The following ADCY8 variants were observed in gnomAD, a reference collection of about 807,000 sequenced individuals.
ADCY8 encodes the protein adenylate cyclase type 8.
ADCY8 carries 51 observed loss-of-function variants against 119.7 expected under a neutral mutation model. The ratio of observed to expected loss-of-function variants is 0.43; its 90% CI spans 0.34 to 0.54. The LOEUF is 0.54. ADCY8 is among the 20% of genes least tolerant of loss of function. ADCY8 has a pLI of 0.03. For synonymous variants in ADCY8, 665 were observed against 651.0 expected, an observed-to-expected ratio of 1.02 and a Z score of -0.33; for missense variants, 1,383 against 1,598.8, an observed-to-expected ratio of 0.87 and a Z score of 2.30.
chr8:130,975,925 T>C (rs773680081), intron 2 of ADCY8, among the ~76,000 whole-genome samples: 12 of 152,208 alleles, frequency 7.9e-5, no homozygotes, highest in Non-Finnish European at 1.3e-4. Flanking sequence ...ACTTTTATAC[T>C]ATAGTAACTT....
intron 1 of ADCY8, among the ~76,000 whole-genome samples, chr8:131,029,015 G>C (rs755595180): frequency 2.0e-5 from 3 of 152,170 alleles, no homozygotes; most frequent in Non-Finnish European, 4.4e-5. Context: ...TGAGAGGCAG[G>C]GCAAATGAGT....
chr8:130,903,050 G>A (rs929971438), intron 7 of ADCY8, among the ~76,000 whole-genome samples: 4 of 152,006 alleles, frequency 2.6e-5, no homozygotes, highest in African/African-American at 7.2e-5. Flanking sequence ...CTTGGTTCTC[G>A]ACCTGGCTCA....
rs145944700 is a variant in ADCY8 at position 130,834,946 on chromosome 8, AG to A, written c.2675+1330del. ...CAGAGAGGAGAATAATACTAGAGAA[AG>A]GAATTTCAACATCTGAAACACATTA... On this transcript the variant is annotated intron_variant, in intron 12 of 17. Transcript: ENST00000286355. Among the ~76,000 whole-genome samples, 614 of 152,326 alleles carry A rather than the reference AG, an allele frequency of 4.0e-3. 6 individuals carry two copies. The highest frequency in any genetic ancestry group is 0.014 in the African/African-American group (593 of 41,570).
chr8:130,918,722 G>C (rs1332454550), intron 5 of ADCY8, among the ~76,000 whole-genome samples: 1 of 152,142 alleles, frequency 6.6e-6, no homozygotes, highest in Non-Finnish European at 1.5e-5. Flanking sequence ...TTAAAAACCA[G>C]AATCAAACCC....
chr8:131,035,929 G>A (rs1285737998), intron 1 of ADCY8, among the ~76,000 whole-genome samples: 1 of 152,136 alleles, frequency 6.6e-6, no homozygotes, highest in Non-Finnish European at 1.5e-5. Context: ...GCTACAATGA[G>A]CCTATGCCCA....
intron 15 of ADCY8, among the ~76,000 whole-genome samples, chr8:130,792,332 C>T (rs1453207126): frequency 6.6e-6 from 1 of 152,230 alleles, no homozygotes; most frequent in African/African-American, 2.4e-5. Context: ...GACCTCTTTT[C>T]TTTTCCATCT....
intron 5 of ADCY8, among the ~76,000 whole-genome samples, chr8:130,913,440 G>T (rs1428708901): frequency 2.0e-5 from 3 of 152,084 alleles, no homozygotes; most frequent in African/African-American, 7.2e-5. Context: ...GCAAACATGT[G>T]ATGTTTGTCT....
In ADCY8 at chr8:130,803,275, C is replaced by T. The variant is rs117666570; in HGVS notation, c.2914-2703G>A. Among the ~76,000 whole-genome samples, 1,248 of 152,330 alleles carry T rather than the reference C, an allele frequency of 8.2e-3. 12 individuals carry two copies. The highest frequency in any genetic ancestry group is 0.014 in the Non-Finnish European group (967 of 68,032). ...GCCTCCGCTAACCATTTAGAGACCA[C>T]GACTTCCACAAGTCACAGAGGGGGT... On this transcript the variant is annotated intron_variant, in intron 14 of 17. Transcript: ENST00000286355.
At chr8:130,809,892 C>T (rs1354814185) in intron 14 of ADCY8, among the ~76,000 whole-genome samples, 3 of 152,260 alleles carry the variant, frequency 2.0e-5, no homozygotes, top group East Asian at 3.9e-4. Context: ...ACAAAAGTTA[C>T]AACTAAGAAG....
At chr8:130,959,541 T>C (rs1427014856) in intron 2 of ADCY8, among the ~76,000 whole-genome samples, 3 of 152,242 alleles carry the variant, frequency 2.0e-5, no homozygotes, top group African/African-American at 7.2e-5. Context: ...CTGCATGGTC[T>C]GGCAGGATAG....
chr8:130,909,844 G>A lies in ADCY8; in HGVS notation c.1504C>T (p.His502Tyr), dbSNP rs1819921051. The change falls in exon 6 of 18, where the codon CAC becomes TAC. Residue 502 changes from histidine (H) to tyrosine (Y), a missense_variant. His to Tyr is a moderately conservative substitution (Grantham distance 83). Around this residue, in one of 2 missense-constraint regions of ADCY8, gnomAD observed 928 missense variants for 1,163.5 expected, o/e 0.80. Transcript: ENST00000286355. ...TIRYVRSRTK[H>Y]DVDMRIGIHS... The stretch of plus-strand genomic sequence containing the variant: ...ATTCCAATCCTCATGTCAACATCGT[G>A]TTTTGTCCTTGACCGCACATACCTG... 3.1e-6 allele frequency: 5 copies of A among 1,613,848 alleles called. No homozygotes were observed. Among genetic ancestry groups the A allele is most frequent in the Non-Finnish European group, 4.2e-6 (5 of 1,179,984 alleles).
intron 15 of ADCY8, among the ~76,000 whole-genome samples, chr8:130,796,651 A>C (rs1406218809): frequency 6.6e-6 from 1 of 152,154 alleles, no homozygotes; most frequent in African/African-American, 2.4e-5. Context: ...CCAAGGACCC[A>C]CACACAGGCA....
At chr8:130,818,284 A>C (rs1274613852) in intron 13 of ADCY8, among the ~76,000 whole-genome samples, 1 of 152,126 alleles carries the variant, frequency 6.6e-6, no homozygotes, top group Non-Finnish European at 1.5e-5. Context: ...TGCCATTATC[A>C]CACCTGGAAG....
chr8:130,967,083 G>A (rs113438875), intron 2 of ADCY8, among the ~76,000 whole-genome samples: 165 of 152,234 alleles, frequency 1.1e-3, no homozygotes, highest in African/African-American at 3.8e-3. Context: ...AAAAATTTTT[G>A]TTGCCAAAAT....
At chr8:130,783,885 G>C in intron 16 of ADCY8, 80 bp from the exon 17 acceptor site, 4 of 1,121,070 alleles carry the variant, frequency 3.6e-6, no homozygotes, top group Non-Finnish European at 5.2e-6. Context: ...GGGGCTTTAC[G>C]TCCTAACCCA....
chr8:130,784,666 G>A (rs1363550846), intron 16 of ADCY8, among the ~76,000 whole-genome samples: 13 of 152,146 alleles, frequency 8.5e-5, no homozygotes, highest in Admixed American at 8.5e-4. Flanking sequence ...ACAGATGGTG[G>A]GCCAGATTTG....
At chr8:130,784,112 AGTGTATGT>A (rs951627710) in intron 16 of ADCY8, among the ~76,000 whole-genome samples, 5 of 151,450 alleles carry the variant, frequency 3.3e-5, no homozygotes, top group African/African-American at 9.7e-5. Flanking sequence ...TGTGTGAATG[AGTGTATGT>A]GTGTATGTGT....
chr8:131,008,127 A>T (rs948317515), intron 1 of ADCY8, among the ~76,000 whole-genome samples: 4 of 152,162 alleles, frequency 2.6e-5, no homozygotes. Flanking sequence ...TCATAAGAAA[A>T]TAGGGATGCA....
intron 7 of ADCY8, among the ~76,000 whole-genome samples, chr8:130,896,980 T>C (rs1819413143): frequency 6.6e-6 from 1 of 152,036 alleles, no homozygotes; most frequent in African/African-American, 2.4e-5. Flanking sequence ...CAGTCCAGTT[T>C]TGCTATTGTT....
Sources: gnomAD v4.1 joint callset for allele counts (sites outside exome capture counted in the v4.1 genomes callset) on GRCh38, gnomAD v4.1.1 for gene constraint, gnomAD v4.1.1 regional missense constraint, MANE v1.5 for transcripts, NCBI Gene and HGNC (gene_info 2026-07-23, HGNC 2026-07-21) for gene names.